The following CCDC78 variants were observed in gnomAD, a reference collection of about 807,000 sequenced individuals.
CCDC78 encodes the protein coiled-coil domain-containing protein 78.
Under a neutral mutation model 61.9 loss-of-function variants are expected in CCDC78, and 78 were observed. The ratio of observed to expected loss-of-function variants is 1.26; its 90% CI spans 1.05 to 1.52. The LOEUF is 1.52. Among genes scored for constraint, CCDC78 ranks in the 40% most tolerant of loss-of-function variants. The pLI is 0.00. For synonymous variants in CCDC78, 287 were observed against 251.9 expected, an observed-to-expected ratio of 1.14 and a Z score of -1.32; for missense variants, 737 against 615.5, an observed-to-expected ratio of 1.20 and a Z score of -2.09.
In CCDC78 at chr16:726,097, C is replaced by A; in HGVS notation, c.61-12G>T. 1 of 1,549,082 alleles carries A rather than the reference C, an allele frequency of 6.5e-7. No homozygotes were observed. The highest frequency in any genetic ancestry group is 8.7e-7 in the Non-Finnish European group (1 of 1,146,680). Reference sequence around the variant, plus strand: ...GCTCGTAGCACAACCTGGGGAGGTACCGCCACCCATTCCCCAGGTGGGTCC... The same window carrying A: ...GCTCGTAGCACAACCTGGGGAGGTAACGCCACCCATTCCCCAGGTGGGTCC... On this transcript the variant is annotated splice_polypyrimidine_tract_variant and intron_variant, in intron 1 of 13. Transcript: ENST00000345165.
chr16:725,509 G>A lies in CCDC78; in HGVS notation c.339C>T (p.Val113=), dbSNP rs1239432508. 1.9e-6 allele frequency: 3 copies of A among 1,612,468 alleles called. No homozygotes were observed. Among genetic ancestry groups the A allele is most frequent in the East Asian group, 2.2e-5 (1 of 44,900 alleles). ...RGDGTSQGCA[V]PVESDPRHPR... is the part of the protein sequence containing the mutation. ...GATGCCTGGGGTCAGACTCCACTGG[G>A]ACTGCACAGCCCTGGCTGGTGCCAT... The change falls in exon 4 of 14, where the codon GTC becomes GTT. Residue 113 remains valine (V), a synonymous_variant. Transcript: ENST00000345165.
At position 725,991 on chromosome 16, in the gene CCDC78, G is replaced by T. The variant is rs1432121366; in HGVS notation, c.155C>A (p.Ala52Glu). 1 of 1,550,958 alleles carries T rather than the reference G, an allele frequency of 6.4e-7. No individual in the cohort carries two copies. The highest frequency in any genetic ancestry group is 1.4e-5 in the African/African-American group (1 of 73,238). Residue 52 changes from alanine to glutamate, a missense_variant, in exon 2 of 14, where the codon GCG becomes GAG. Coordinates refer to ENST00000345165, the MANE Select transcript of CCDC78 (RefSeq NM_001378030.1). ...CTGCAGCTGCTGCTCCTTATTGAGC[G>T]CTAGATCTGGTGGGACCTCTGCTTC... ...SLEAEVPPDL[A>E]LNKEQQLQIS...
chr16:726,561 C>A, upstream of CCDC78: 1 of 625,666 alleles, frequency 1.6e-6, no homozygotes, highest in Non-Finnish European at 2.7e-6. Flanking sequence ...CTTCCTCTCT[C>A]CATGCCTCCG....
chr16:722,589 T>C lies in CCDC78; in HGVS notation c.*89A>G. 1 of 1,493,232 alleles carries C rather than the reference T, an allele frequency of 6.7e-7. No individual in the cohort carries two copies. Among genetic ancestry groups the C allele is most frequent in the Non-Finnish European group, 9.1e-7 (1 of 1,098,998 alleles). The allele number at this position is 1,493,232 out of a possible 1,614,324, so 92.5% of individuals were successfully genotyped here. ...GACACGATAAAGACTCTGTGGGTTCTATCCTGACTCATGTTTTATGGGGGG... is the reference window on the plus strand; with the variant it reads ...GACACGATAAAGACTCTGTGGGTTCCATCCTGACTCATGTTTTATGGGGGG... On this transcript the variant is annotated 3_prime_UTR_variant, in exon 14 of 14. Transcript: ENST00000345165.
chr16:724,322 C>A lies in CCDC78; in HGVS notation c.953G>T (p.Arg318Met). 2 of 1,610,380 alleles carry A rather than the reference C, an allele frequency of 1.2e-6. No homozygotes were observed. The highest frequency in any genetic ancestry group is 1.7e-6 in the Non-Finnish European group (2 of 1,178,206). Residue 318 changes from arginine (R) to methionine (M), a missense_variant and splice_region_variant, in exon 9 of 14, where the codon AGG (arginine) becomes ATG (methionine). Coordinates refer to ENST00000345165, the MANE Select transcript of CCDC78 (RefSeq NM_001378030.1). ...CACCTCCCATCCCAGCGGGGCCCACCTGTAGGCAACCAGTAGCTCTTCATG... is the reference window on the plus strand; with the variant it reads ...CACCTCCCATCCCAGCGGGGCCCACATGTAGGCAACCAGTAGCTCTTCATG... Reference protein sequence around the residue: ...RRHEELLVAYRAPGNPQAIFD... With the variant: ...RRHEELLVAYMAPGNPQAIFD...
Position 724,357 on chromosome 16 carries a change from C to G in CCDC78, c.918G>C (p.Leu306=), listed in dbSNP as rs139766874. The G allele has an allele frequency of 7.4e-5, 120 of 1,612,368 alleles. No homozygotes were observed. The African/African-American group carries it at 1.5e-3, about 21-fold the overall frequency. ...CCAGTAGCTCTTCATGCCTGCGGCT[C>G]AGATCCACCAGCCTCTTGTGGTAGC... ...ARSYHKRLVD[L]SRRHEELLVA... The change falls in exon 9 of 14, where the codon CTG becomes CTC. Residue 306 remains leucine (L), a synonymous_variant. Transcript: ENST00000345165.
At chr16:726,140 C>T in intron 1 of CCDC78, 55 bp from the exon 2 acceptor site, 2 of 1,550,056 alleles carry the variant, frequency 1.3e-6, no homozygotes, top group Non-Finnish European at 1.7e-6. Flanking sequence ...GGCTGTGGCC[C>T]CACTCCCATG....
At chr16:725,044 C>T in intron 6 of CCDC78, 34 bp downstream of exon 6, 1 of 1,612,606 alleles carries the variant, frequency 6.2e-7, no homozygotes, top group Non-Finnish European at 8.5e-7. Context: ...TCTCTCTGCT[C>T]CAGGATGGGG....
upstream of CCDC78, chr16:726,466 AG>A: frequency 7.0e-7 from 1 of 1,433,176 alleles, no homozygotes; most frequent in Non-Finnish European, 9.2e-7. Flanking sequence ...TGCGTTGCCA[AG>A]GCCTCTGTTG....
Position 726,040 on chromosome 16 carries a change from T to C in CCDC78, c.106A>G (p.Thr36Ala). The C allele has an allele frequency of 6.5e-7, 1 of 1,548,812 alleles. No homozygotes were observed. The highest frequency in any genetic ancestry group is 1.2e-5 in the South Asian group (1 of 84,078). ...TCCAAGCTGGTGGCCCACACTGCGG[T>C]GCCCCCAGGAGCTCCTGGCAGCCAG... ...KDWLPGAPGG[T>A]AVWATSLEAE... is the part of the protein sequence containing the mutation. The change falls in exon 2 of 14, where the codon ACC becomes GCC. Residue 36 changes from threonine to alanine, a missense_variant. Transcript: ENST00000345165.
Position 726,033 on chromosome 16 carries a change from A to G in CCDC78, c.113T>C (p.Val38Ala), listed in dbSNP as rs2040892274. Residue 38 changes from valine (V) to alanine (A), a missense_variant, in exon 2 of 14, where the codon GTG (valine) becomes GCG (alanine). Val to Ala is a moderately conservative substitution (Grantham distance 64). Coordinates refer to ENST00000345165, the MANE Select transcript of CCDC78 (RefSeq NM_001378030.1). ...CTCTGCTTCCAAGCTGGTGGCCCACACTGCGGTGCCCCCAGGAGCTCCTGG... is the reference window on the plus strand; with the variant it reads ...CTCTGCTTCCAAGCTGGTGGCCCACGCTGCGGTGCCCCCAGGAGCTCCTGG... ...WLPGAPGGTA[V>A]WATSLEAEVP... 4 of 1,548,950 alleles carry G rather than the reference A, an allele frequency of 2.6e-6. No individual in the cohort carries two copies. Among genetic ancestry groups the G allele is most frequent in the African/African-American group, 1.4e-5 (1 of 73,170 alleles).
intron 10 of CCDC78, 66 bp from the exon 11 acceptor site, chr16:724,002 G>A (rs1244698585): frequency 1.9e-6 from 3 of 1,588,794 alleles, no homozygotes; most frequent in Admixed American, 1.7e-5. Flanking sequence ...GAGGCCCGGG[G>A]CTGAGGTCTC....
At chr16:723,047 G>A in intron 12 of CCDC78, 25 bp from the exon 13 acceptor site, 1 of 1,612,538 alleles carries the variant, frequency 6.2e-7, no homozygotes, top group Non-Finnish European at 8.5e-7. Context: ...TAAGCCATGA[G>A]CTGGGGCATG....
At position 725,256 on chromosome 16, in the gene CCDC78, T is replaced by C. The variant is rs763103706; in HGVS notation, c.473A>G (p.Gln158Arg). Residue 158 changes from glutamine (Q) to arginine (R), a missense_variant, in exon 5 of 14, where the codon CAG becomes CGG. Coordinates refer to ENST00000345165, the MANE Select transcript of CCDC78 (RefSeq NM_001378030.1). ...ACTCACGCCGCTCCCCAGCCTGTGCTGCTCATTCTCGGGGTTCATGGTGTT... is the reference window on the plus strand; with the variant it reads ...ACTCACGCCGCTCCCCAGCCTGTGCCGCTCATTCTCGGGGTTCATGGTGTT... ...PKNTMNPENE[Q>R]HRLGSGLQGE... The C allele has an allele frequency of 6.2e-7, 1 of 1,607,782 alleles. No homozygotes were observed. The highest frequency in any genetic ancestry group is 8.5e-7 in the Non-Finnish European group (1 of 1,179,964).
chr16:724,687 C>T lies in CCDC78; in HGVS notation c.759G>A (p.Gln253=). ...YVLRLQHCAW[Q]AVEHADGAGQ... ...GTGCTCCTGCAGGGCTCACCACTGCCTGCCAGGCGCAGTGTTGCAGCCGTA... is the reference window on the plus strand; with the variant it reads ...GTGCTCCTGCAGGGCTCACCACTGCTTGCCAGGCGCAGTGTTGCAGCCGTA... The change falls in exon 8 of 14, where the codon CAG becomes CAA. Residue 253 remains glutamine (Q), a synonymous_variant. Transcript: ENST00000345165. 1.2e-6 allele frequency: 2 copies of T among 1,610,560 alleles called. No homozygotes were observed. The highest frequency in any genetic ancestry group is 2.2e-5 in the South Asian group (2 of 90,884).
chr16:723,696 C>G, intron 11 of CCDC78, 161 bp downstream of exon 11: 1 of 722,754 alleles, frequency 1.4e-6, no homozygotes. Context: ...CGCCGGGACC[C>G]ACGGAGGGAC....
Position 724,710 on chromosome 16 carries a change from G to A in CCDC78, c.736C>T (p.Arg246Trp), listed in dbSNP as rs749095737. 5.6e-6 allele frequency: 9 copies of A among 1,611,796 alleles called. No homozygotes were observed. The highest frequency in any genetic ancestry group is 2.2e-5 in the South Asian group (2 of 90,956). Residue 246 changes from arginine (R) to tryptophan (W), a missense_variant, in exon 8 of 14, where the codon CGG becomes TGG. Coordinates refer to ENST00000345165, the MANE Select transcript of CCDC78 (RefSeq NM_001378030.1). Reference sequence around the variant, plus strand: ...GCCTGCCAGGCGCAGTGTTGCAGCCGTAGGACGTACTCATCCTTCAGTTTC... The same window carrying A: ...GCCTGCCAGGCGCAGTGTTGCAGCCATAGGACGTACTCATCCTTCAGTTTC... ...LKKLKDEYVLRLQHCAWQAVE... is the reference protein window; with the variant it reads ...LKKLKDEYVLWLQHCAWQAVE...
In CCDC78 at chr16:725,542, C is replaced by A; in HGVS notation, c.306G>T (p.Leu102=). The A allele has an allele frequency of 6.2e-7, 1 of 1,611,412 alleles. No homozygotes were observed. Among genetic ancestry groups the A allele is most frequent in the Non-Finnish European group, 8.5e-7 (1 of 1,179,566 alleles). The change falls in exon 4 of 14, where the codon CTG becomes CTT. Residue 102 remains leucine, a synonymous_variant. Coordinates refer to ENST00000345165, the MANE Select transcript of CCDC78 (RefSeq NM_001378030.1). ...RLESRVLELE[L]RGDGTSQGCA... ...AGCCCTGGCTGGTGCCATCTCCTCG[C>A]AGCTCCAGCTCCAGTACCCGGCTCT...
intron 7 of CCDC78, 40 bp downstream of exon 7, chr16:724,871 C>A (rs2040697234): frequency 1.2e-6 from 2 of 1,600,730 alleles, no homozygotes; most frequent in African/African-American, 1.3e-5. Flanking sequence ...TCTGGGGCCC[C>A]CACCCTCCAG....
Sources: gnomAD v4.1 joint callset for allele counts on GRCh38, gnomAD v4.1.1 for gene constraint, MANE v1.5 for transcripts, NCBI Gene and HGNC (gene_info 2026-07-23, HGNC 2026-07-21) for gene names.